The following EPHA10 variants were observed in gnomAD, a reference collection of about 807,000 sequenced individuals.
The protein encoded by EPHA10 is ephrin type-A receptor 10.
Under a neutral mutation model 109.7 loss-of-function variants are expected in EPHA10, and 120 were observed. That is an observed-to-expected ratio of 1.09 (90% CI 0.94 to 1.27). The LOEUF is 1.27. EPHA10 is among the 50% of genes most tolerant of loss of function. The pLI is 0.00. For missense variants in EPHA10, 1,396 were observed against 1,411.1 expected (o/e 0.99, Z 0.17); for synonymous variants, 640 against 618.9 (o/e 1.03, Z -0.51).
At chr1:37,728,329 G>C (rs1379289511) in intron 7 of EPHA10, among the ~76,000 whole-genome samples, 1 of 152,180 alleles carries the variant, frequency 6.6e-6, no homozygotes, top group East Asian at 1.9e-4. Flanking sequence ...GTGGGTGACA[G>C]GGAGCAGTGG....
Position 37,753,186 on chromosome 1 carries a change from G to C in EPHA10, c.1047C>G (p.Ser349Arg). Residue 349 changes from serine (S) to arginine (R), a missense_variant, in exon 5 of 17, where the codon AGC (serine) becomes AGG (arginine). Coordinates refer to ENST00000373048, the MANE Select transcript of EPHA10 (RefSeq NM_001099439.2). ...SAPRDLQYSL[S>R]RSPLVLRLRW... ...GCAGTCGCAGCACCAGCGGCGAGCGGCTCAGGCTGTACTGCAGGTCCCGCG... is the reference window on the plus strand; with the variant it reads ...GCAGTCGCAGCACCAGCGGCGAGCGCCTCAGGCTGTACTGCAGGTCCCGCG... 7.2e-7 allele frequency: 1 copy of C among 1,395,706 alleles called. No homozygotes were observed. Among genetic ancestry groups the C allele is most frequent in the East Asian group, 3.1e-5 (1 of 32,262 alleles). 86.5% of individuals were successfully genotyped at this position (1,395,706 alleles called of 1,614,324 possible).
In EPHA10 at chr1:37,761,910, G is replaced by T. The variant is rs555726339; in HGVS notation, c.345C>A (p.Ile115=). 34 of 1,612,506 alleles carry T rather than the reference G, an allele frequency of 2.1e-5. No homozygotes were observed. In the South Asian group the frequency reaches 3.2e-4, roughly 15 times the overall value. ...CCTTGCAGGTACCCGCGGCGCCAGGGATGCTGCTGCAGTCACGGAGTGTGA... is the reference window on the plus strand; with the variant it reads ...CCTTGCAGGTACCCGCGGCGCCAGGTATGCTGCTGCAGTCACGGAGTGTGA... The part of the protein sequence containing the change: ...LQFTLRDCSS[I]PGAAGTCKET... The change falls in exon 3 of 17, where the codon ATC becomes ATA. Residue 115 remains isoleucine (I), a synonymous_variant. Transcript: ENST00000373048.
Position 37,716,624 on chromosome 1 carries a change from G to A in EPHA10, c.*1748C>T. On this transcript the variant is annotated 3_prime_UTR_variant, in exon 17 of 17. Coordinates refer to ENST00000373048, the MANE Select transcript of EPHA10 (RefSeq NM_001099439.2). ...AGGGTAAGGCCAAAGGCACCTCTGT[G>A]AGTCACTGTCCCCCACCTCTGGGTG... 1 of 232,726 alleles carries A rather than the reference G, an allele frequency of 4.3e-6. No individual in the cohort carries two copies. The highest frequency in any genetic ancestry group is 8.5e-6 in the Non-Finnish European group (1 of 117,788). The allele number at this position is 232,726 out of a possible 1,614,324, so 14.4% of individuals were successfully genotyped here.
At position 37,718,222 on chromosome 1, in the gene EPHA10, G is replaced by A. The variant is rs1054495519; in HGVS notation, c.*150C>T. On this transcript the variant is annotated 3_prime_UTR_variant, in exon 17 of 17. Transcript: ENST00000373048. ...AATGGGAGGGGCAGGCAGTGAAAGC[G>A]GGGAAGCTGTGGCCCCACCAGATCT... The A allele has an allele frequency of 3.1e-5, 21 of 673,702 alleles. 1 individual carries two copies. Among genetic ancestry groups the A allele is most frequent in the African/African-American group, 9.1e-5 (5 of 55,080 alleles). The allele number at this position is 673,702 out of a possible 1,614,324, so 41.7% of individuals were successfully genotyped here.
chr1:37,749,444 G>A (rs1408088971), intron 5 of EPHA10, among the ~76,000 whole-genome samples: 2 of 151,626 alleles, frequency 1.3e-5, no homozygotes, highest in Non-Finnish European at 2.9e-5. Flanking sequence ...AGGCTGAGGC[G>A]GGTGGATCAC....
chr1:37,723,363 G>C lies in EPHA10; in HGVS notation c.1782C>G (p.Ser594Arg). The C allele has an allele frequency of 1.2e-6, 2 of 1,614,174 alleles. No individual in the cohort carries two copies. Among genetic ancestry groups the C allele is most frequent in the Non-Finnish European group, 1.7e-6 (2 of 1,180,022 alleles). The change falls in exon 9 of 17, where the codon AGC becomes AGG. Residue 594 changes from serine to arginine, a missense_variant. Ser to Arg is a moderately radical substitution (Grantham distance 110, BLOSUM62 -1). Coordinates refer to ENST00000373048, the MANE Select transcript of EPHA10 (RefSeq NM_001099439.2). ...SVLAIWRRPCSYGKGGGDAHD... is the reference protein window; with the variant it reads ...SVLAIWRRPCRYGKGGGDAHD... Reference sequence around the variant, plus strand: ...GGGCATCCCCTCCTCCTTTGCCATAGCTGCAGGGCCTGGCAGGGAGTTCAG... The same window carrying C: ...GGGCATCCCCTCCTCCTTTGCCATACCTGCAGGGCCTGGCAGGGAGTTCAG...
intron 10 of EPHA10, chr1:37,722,679 C>T (rs888009420): frequency 3.1e-5 from 12 of 381,546 alleles, no homozygotes; most frequent in Middle Eastern, 5.8e-4. Flanking sequence ...GATCATGCAG[C>T]GGGTCAGTGG....
At chr1:37,718,864 CA>C (rs1645737571) in intron 15 of EPHA10, 48 bp from the exon 16 acceptor site, 5 of 1,559,246 alleles carry the variant, frequency 3.2e-6, no homozygotes. Context: ...GATCTGGGCC[CA>C]CACCTGGTGG....
Position 37,765,110 on chromosome 1 carries a change from G to A in EPHA10, c.-44C>T. On this transcript the variant is annotated 5_prime_UTR_variant, in exon 1 of 17. Coordinates refer to ENST00000373048, the MANE Select transcript of EPHA10 (RefSeq NM_001099439.2). ...TCAGTCCGGCGGCGGCTCAAGCCGC[G>A]CCAGCCTAGCACCGCTGAGCAATGC... 1 of 1,524,512 alleles carries A rather than the reference G, an allele frequency of 6.6e-7. No homozygotes were observed. The allele number at this position is 1,524,512 out of a possible 1,614,324, so 94.4% of individuals were successfully genotyped here.
intron 8 of EPHA10, among the ~76,000 whole-genome samples, chr1:37,724,700 T>C (rs1391522696): frequency 6.6e-6 from 1 of 152,120 alleles, no homozygotes; most frequent in African/African-American, 2.4e-5. Flanking sequence ...GATGATCACA[T>C]GTAGATACAG....
chr1:37,758,354 T>C (rs1646406866), intron 3 of EPHA10, among the ~76,000 whole-genome samples: 1 of 152,168 alleles, frequency 6.6e-6, no homozygotes, highest in African/African-American at 2.4e-5. Flanking sequence ...TCCAATGTCC[T>C]CCTCGAGATA....
intron 2 of EPHA10, 150 bp from the exon 3 acceptor site, chr1:37,762,233 T>C: frequency 1.3e-6 from 1 of 747,950 alleles, no homozygotes. Flanking sequence ...TGGAAACAAA[T>C]GATCCCAATC....
chr1:37,759,218 G>A (rs1378286399), intron 3 of EPHA10, among the ~76,000 whole-genome samples: 1 of 152,168 alleles, frequency 6.6e-6, no homozygotes, highest in African/African-American at 2.4e-5. Flanking sequence ...AAAGCATAAA[G>A]TCTAAGCTCT....
chr1:37,762,787 C>G lies in EPHA10; in HGVS notation c.169G>C (p.Gly57Arg), dbSNP rs772027154. Residue 57 changes from glycine to arginine, a missense_variant and splice_region_variant, in exon 2 of 17, where the codon GGG becomes CGG. Gly to Arg is a moderately radical substitution (Grantham distance 125). Coordinates refer to ENST00000373048, the MANE Select transcript of EPHA10 (RefSeq NM_001099439.2). ...ELGWTALPSN[G>R]WEEISGVDEH... Reference sequence around the variant, plus strand: ...GGGAGGGACACTTGTGCACTTACCCCATTACTTGGCAGTGCAGTCCAGCCC... The same window carrying G: ...GGGAGGGACACTTGTGCACTTACCCGATTACTTGGCAGTGCAGTCCAGCCC... The G allele has an allele frequency of 6.4e-7, 1 of 1,552,584 alleles. No homozygotes were observed. Among genetic ancestry groups the G allele is most frequent in the South Asian group, 1.2e-5 (1 of 83,872 alleles).
At chr1:37,739,716 G>A (rs529603629) in intron 5 of EPHA10, among the ~76,000 whole-genome samples, 1 of 144,988 alleles carries the variant, frequency 6.9e-6, no homozygotes, top group South Asian at 2.2e-4. Flanking sequence ...AAAAAAGGAA[G>A]TAGAATGGTA....
intron 6 of EPHA10, among the ~76,000 whole-genome samples, chr1:37,733,216 T>A (rs1646017690): frequency 1.3e-5 from 2 of 151,776 alleles, no homozygotes; most frequent in Non-Finnish European, 2.9e-5. Flanking sequence ...TTTGTTGTTT[T>A]TGGGGGTTTT....
Position 37,723,069 on chromosome 1 carries a change from G to A in EPHA10, c.1932C>T (p.Ser644=), listed in dbSNP as rs1247061087. ...CTCCAAGGCTCCTCTCCAGCGTGAC[G>A]CTTTTCGCATCCAGTTCCTTGGCGA... ...HLFAKELDAK[S]VTLERSLGGG... The change falls in exon 10 of 17, where the codon AGC becomes AGT. Residue 644 remains serine (S), a synonymous_variant. Transcript: ENST00000373048. The A allele has an allele frequency of 3.7e-6, 6 of 1,614,062 alleles. No homozygotes were observed. The highest frequency in any genetic ancestry group is 1.1e-5 in the South Asian group (1 of 91,088).
In EPHA10 at chr1:37,723,160, A is replaced by T; in HGVS notation, c.1841T>A (p.Val614Asp). ...DEEELYFHFK[V>D]PTRRTFLDPQ... The stretch of plus-strand genomic sequence containing the variant: ...GTCCAGGAATGTGCGACGTGTTGGG[A>T]CTTTGACTGGGAGAGAAAGAGATGA... Residue 614 changes from valine (V) to aspartate (D), a missense_variant, in exon 10 of 17, where the codon GTC (valine) becomes GAC (aspartate). Val to Asp is a radical substitution (Grantham distance 152). Coordinates refer to ENST00000373048, the MANE Select transcript of EPHA10 (RefSeq NM_001099439.2). The T allele has an allele frequency of 6.2e-7, 1 of 1,613,306 alleles. No individual in the cohort carries two copies. Among genetic ancestry groups the T allele is most frequent in the Non-Finnish European group, 8.5e-7 (1 of 1,179,552 alleles).
At chr1:37,730,364 C>T (rs149710264) in intron 7 of EPHA10, among the ~76,000 whole-genome samples, 338 of 152,280 alleles carry the variant, frequency 2.2e-3, no homozygotes, top group African/African-American at 7.8e-3. Flanking sequence ...GCCAGAATGC[C>T]TCTTAGGGGG....
Sources: gnomAD v4.1 joint callset for allele counts (sites outside exome capture counted in the v4.1 genomes callset) on GRCh38, gnomAD v4.1.1 for gene constraint, MANE v1.5 for transcripts, NCBI Gene and HGNC (gene_info 2026-07-23, HGNC 2026-07-21) for gene names.